Variants in FOXK2 observed in about 807,000 individuals in gnomAD.
FOXK2 encodes the protein forkhead box protein K2.
A neutral mutation model predicts 53.3 loss-of-function variants in FOXK2; 24 were observed. That is an observed-to-expected ratio of 0.45 (90% CI 0.33 to 0.63). The LOEUF (loss-of-function observed/expected upper bound fraction) is 0.63, where lower values mean the gene tolerates loss of function less well. Ranked by LOEUF, FOXK2 falls within the 30% of genes least tolerant of loss-of-function variation. FOXK2 has a pLI of 0.03. For missense variants in FOXK2, 952 were observed against 910.5 expected, an observed-to-expected ratio of 1.05 and a Z score of -0.59; for synonymous variants, 505 against 407.1, an observed-to-expected ratio of 1.24 and a Z score of -2.89.
intron 8 of FOXK2, chr17:82,588,382 C>A (rs952039322): frequency 1.9e-5 from 3 of 159,492 alleles, no homozygotes; most frequent in African/African-American, 7.3e-5. Flanking sequence ...GAGATGGAAG[C>A]CGGGAGGGCT....
At chr17:82,585,721 A>G (rs1177210312) in intron 6 of FOXK2, among the ~76,000 whole-genome samples, 183 bp from the exon 7 acceptor site, 1 of 152,210 alleles carries the variant, frequency 6.6e-6, no homozygotes, top group Non-Finnish European at 1.5e-5. Context: ...TAGGAATTAA[A>G]TACCCCTTTT....
chr17:82,583,662 A>C (rs2045094090), intron 5 of FOXK2, among the ~76,000 whole-genome samples: 1 of 152,210 alleles, frequency 6.6e-6, no homozygotes, highest in Non-Finnish European at 1.5e-5. Flanking sequence ...TTTAACAAAA[A>C]AAAAAATGAG....
chr17:82,587,409 A>G (rs890341482), intron 8 of FOXK2, 137 bp downstream of exon 8: 3 of 716,452 alleles, frequency 4.2e-6, no homozygotes, highest in Non-Finnish European at 7.2e-6. Context: ...AGCTGCAGGA[A>G]ATCTAGTCAT....
chr17:82,531,787 G>T (rs2044474022), intron 1 of FOXK2, among the ~76,000 whole-genome samples: 1 of 152,200 alleles, frequency 6.6e-6, no homozygotes, highest in Non-Finnish European at 1.5e-5. Flanking sequence ...GAATGTGAAG[G>T]CCTAGGACGT....
chr17:82,562,390 G>A (rs1489962655), intron 1 of FOXK2, among the ~76,000 whole-genome samples: 1 of 152,154 alleles, frequency 6.6e-6, no homozygotes, highest in Non-Finnish European at 1.5e-5. Context: ...AGACCAGCCC[G>A]ACCAACATGG....
At chr17:82,532,777 A>G (rs1249924218) in intron 1 of FOXK2, among the ~76,000 whole-genome samples, 2 of 151,796 alleles carry the variant, frequency 1.3e-5, no homozygotes, top group African/African-American at 4.8e-5. Flanking sequence ...CGTGTTGACC[A>G]GGCTGGTCTC....
At chr17:82,552,068 T>C (rs750542918) in intron 1 of FOXK2, among the ~76,000 whole-genome samples, 3 of 152,164 alleles carry the variant, frequency 2.0e-5, no homozygotes, top group Non-Finnish European at 4.4e-5. Context: ...AAAAATGAAG[T>C]GGCTTCCAAA....
At chr17:82,526,779 C>G (rs551014436) in intron 1 of FOXK2, among the ~76,000 whole-genome samples, 1 of 150,678 alleles carries the variant, frequency 6.6e-6, no homozygotes, top group African/African-American at 2.4e-5. Flanking sequence ...TGCAGTGAGC[C>G]GAGATCGCGC....
intron 1 of FOXK2, among the ~76,000 whole-genome samples, chr17:82,524,709 T>A (rs906113830): frequency 7.2e-5 from 11 of 152,184 alleles, no homozygotes; most frequent in African/African-American, 2.4e-4. Flanking sequence ...TCTTAGAGCC[T>A]CTGACTGACC....
chr17:82,589,754 C>G (rs1338438970), intron 8 of FOXK2, among the ~76,000 whole-genome samples: 1 of 152,002 alleles, frequency 6.6e-6, no homozygotes, highest in Non-Finnish European at 1.5e-5. Flanking sequence ...GAAAGTCTGT[C>G]AGTGATCTTG....
chr17:82,601,741 T>C lies in FOXK2; in HGVS notation c.*242T>C, dbSNP rs1041262470. The C allele has an allele frequency of 2.3e-6, 1 of 435,100 alleles. No homozygotes were observed. Among genetic ancestry groups the C allele is most frequent in the African/African-American group, 1.9e-5 (1 of 51,286 alleles). 27.0% of individuals were successfully genotyped at this position (435,100 alleles called of 1,614,324 possible). A position where few individuals can be genotyped will look rare whatever the true frequency, so the allele number is the denominator to read the frequency against. On this transcript the variant is annotated 3_prime_UTR_variant, in exon 9 of 9. Transcript: ENST00000335255. The stretch of plus-strand genomic sequence containing the variant: ...CCACTGAGCACCTGCTGGGCTGAGC[T>C]TCTACCTACGAGTGAAACTCTGTCC...
At chr17:82,561,922 C>T (rs933429870) in intron 1 of FOXK2, among the ~76,000 whole-genome samples, 8 of 151,298 alleles carry the variant, frequency 5.3e-5, no homozygotes, top group Admixed American at 1.3e-4. Context: ...GGGGGGTGCC[C>T]GCACTGGGCG....
intron 1 of FOXK2, among the ~76,000 whole-genome samples, chr17:82,522,169 C>T (rs955464469): frequency 6.6e-6 from 1 of 150,960 alleles, no homozygotes; most frequent in Admixed American, 6.7e-5. Flanking sequence ...GTGACCTAGC[C>T]TGGAGTGTAC....
intron 1 of FOXK2, among the ~76,000 whole-genome samples, chr17:82,559,734 C>T (rs553969866): frequency 3.6e-4 from 53 of 145,668 alleles, no homozygotes; most frequent in Non-Finnish European, 6.5e-4. Context: ...TAAGCTCAGT[C>T]GGATCTCAGA....
At chr17:82,572,078 A>G in intron 4 of FOXK2, 1 of 455,696 alleles carries the variant, frequency 2.2e-6, no homozygotes, top group Non-Finnish European at 3.8e-6. Context: ...GTGGTTCTGG[A>G]GGAGCGTCTA....
intron 1 of FOXK2, among the ~76,000 whole-genome samples, chr17:82,537,987 G>A (rs543851906): frequency 3.9e-5 from 6 of 152,100 alleles, no homozygotes; most frequent in African/African-American, 1.4e-4. Context: ...ACTTCTGGAG[G>A]CTGAGGCAGG....
At chr17:82,589,407 T>C (rs1407753798) in intron 8 of FOXK2, among the ~76,000 whole-genome samples, 1 of 152,238 alleles carries the variant, frequency 6.6e-6, no homozygotes, top group African/African-American at 2.4e-5. Flanking sequence ...AATATAGATA[T>C]AAATATTAAA....
intron 3 of FOXK2, among the ~76,000 whole-genome samples, chr17:82,568,487 C>T (rs960763955): frequency 6.6e-6 from 1 of 152,178 alleles, no homozygotes; most frequent in African/African-American, 2.4e-5. Context: ...GTACCTTGGT[C>T]TTTGTGGAGC....
intron 7 of FOXK2, among the ~76,000 whole-genome samples, 177 bp from the exon 8 acceptor site, chr17:82,586,886 C>T (rs1038398754): frequency 6.6e-6 from 1 of 151,878 alleles, no homozygotes; most frequent in Non-Finnish European, 1.5e-5. Context: ...GGGTAACGAG[C>T]GAAACTCCAT....
Sources: gnomAD v4.1 joint callset for allele counts (sites outside exome capture counted in the v4.1 genomes callset) on GRCh38, gnomAD v4.1.1 for gene constraint, MANE v1.5 for transcripts, NCBI Gene and HGNC (gene_info 2026-07-23, HGNC 2026-07-21) for gene names.